CFAP299: variants seen among roughly 807,000 people sequenced by gnomAD.
The protein encoded by CFAP299 is cilia- and flagella-associated protein 299.
A neutral mutation model predicts 27.0 loss-of-function variants in CFAP299; 21 were observed. That is an observed-to-expected ratio of 0.78 (90% confidence interval 0.55 to 1.12). The LOEUF (loss-of-function observed/expected upper bound fraction) is 1.12. CFAP299 is among the 50% of genes most tolerant of loss of function. The probability of loss-of-function intolerance (pLI) is 0.00; values close to 1 mark genes in which losing one functional copy is unlikely to be tolerated. For missense variants in CFAP299, 310 were observed against 276.6 expected, an observed-to-expected ratio of 1.12 and a Z score of -0.86; for synonymous variants, 104 against 98.1, an observed-to-expected ratio of 1.06 and a Z score of -0.36.
intron 4 of CFAP299, among the ~76,000 whole-genome samples, chr4:80,898,889 T>TAA (rs1366220640): frequency 6.6e-6 from 1 of 152,084 alleles, no homozygotes; most frequent in African/African-American, 2.4e-5. Flanking sequence ...TTAGACAAAA[T>TAA]AATCAAGAAC....
intron 3 of CFAP299, among the ~76,000 whole-genome samples, chr4:80,732,649 G>T (rs1479039627): frequency 6.6e-6 from 1 of 151,926 alleles, no homozygotes; most frequent in East Asian, 1.9e-4. Context: ...TTCTAGGAAA[G>T]TCTTGCTTGA....
chr4:80,820,948 A>G (rs1729672054), intron 3 of CFAP299, among the ~76,000 whole-genome samples: 1 of 152,212 alleles, frequency 6.6e-6, no homozygotes, highest in African/African-American at 2.4e-5. Context: ...AGCACCAGTT[A>G]AAGGATTCCC....
intron 2 of CFAP299, among the ~76,000 whole-genome samples, chr4:80,510,845 C>G (rs897397401): frequency 1.3e-5 from 2 of 152,200 alleles, no homozygotes; most frequent in African/African-American, 4.8e-5. Flanking sequence ...ATCCAAAACT[C>G]TGAATGACCT....
At chr4:80,862,936 T>C (rs1193588458) in intron 3 of CFAP299, among the ~76,000 whole-genome samples, 1 of 152,222 alleles carries the variant, frequency 6.6e-6, no homozygotes, top group Admixed American at 6.5e-5. Context: ...TAGAAAACAA[T>C]AGTTGATTCG....
At chr4:80,606,675 C>G (rs1265136660) in intron 3 of CFAP299, among the ~76,000 whole-genome samples, 1 of 152,156 alleles carries the variant, frequency 6.6e-6, no homozygotes, top group Non-Finnish European at 1.5e-5. Flanking sequence ...ACGTGCTCTT[C>G]CATGGCTTGC....
At position 80,531,446 on chromosome 4, in the gene CFAP299, T is replaced by C. The variant is rs185361850; in HGVS notation, c.243-51647T>C. Among the ~76,000 whole-genome samples the C allele has an allele frequency of 2.1e-3, 319 of 152,294 alleles. 2 individuals are homozygous for C. Among genetic ancestry groups the C allele is most frequent in the Non-Finnish European group, 1.8e-3 (125 of 68,024 alleles). On this transcript the variant is annotated intron_variant, in intron 2 of 5. Transcript: ENST00000358105. Reference sequence around the variant, plus strand: ...TTTAGCTTGTGGTTCAAAAATGTGTTTTTCAATTTCACTCCAGGGAACTAG... The same window carrying C: ...TTTAGCTTGTGGTTCAAAAATGTGTCTTTCAATTTCACTCCAGGGAACTAG...
At chr4:80,519,137 AG>A (rs1399512616) in intron 2 of CFAP299, among the ~76,000 whole-genome samples, 5 of 151,984 alleles carry the variant, frequency 3.3e-5, no homozygotes, top group African/African-American at 1.2e-4. Flanking sequence ...GTACATAGAA[AG>A]CACTCTGTTA....
chr4:80,494,679 T>A (rs1449534154), intron 2 of CFAP299, among the ~76,000 whole-genome samples: 6 of 152,204 alleles, frequency 3.9e-5, no homozygotes. Context: ...GTTCTATAGG[T>A]ATGGCTCCTC....
intron 2 of CFAP299, among the ~76,000 whole-genome samples, chr4:80,484,769 C>T (rs1414853518): frequency 6.6e-6 from 1 of 152,070 alleles, no homozygotes; most frequent in African/African-American, 2.4e-5. Flanking sequence ...GAACTTAGTA[C>T]AGATGTCGGC....
At position 80,879,667 on chromosome 4, in the gene CFAP299, G is replaced by A. The variant is rs147415698; in HGVS notation, c.476+9532G>A. ...TTTTTACATATTATTTTTAAAGAGTGTGAGTGAAGCAGATAAGCCCTCAAG... is the reference window on the plus strand; with the variant it reads ...TTTTTACATATTATTTTTAAAGAGTATGAGTGAAGCAGATAAGCCCTCAAG... On this transcript the variant is annotated intron_variant, in intron 4 of 5. Coordinates refer to ENST00000358105, the MANE Select transcript of CFAP299 (RefSeq NM_152770.3). Among the ~76,000 whole-genome samples, 577 of 152,226 alleles carry A rather than the reference G, an allele frequency of 3.8e-3. 1 individual carries two copies. The highest frequency in any genetic ancestry group is 0.017 in the Middle Eastern group (5 of 294).
At chr4:80,719,373 A>G (rs1722687028) in intron 3 of CFAP299, among the ~76,000 whole-genome samples, 1 of 152,166 alleles carries the variant, frequency 6.6e-6, no homozygotes, top group African/African-American at 2.4e-5. Flanking sequence ...GCATTATTCT[A>G]TGTTGACATT....
At chr4:80,623,869 G>A (rs1317183649) in intron 3 of CFAP299, among the ~76,000 whole-genome samples, 1 of 152,140 alleles carries the variant, frequency 6.6e-6, no homozygotes, top group Non-Finnish European at 1.5e-5. Context: ...TCAGGCTTGT[G>A]TGGAAGACTT....
At chr4:80,569,764 CTTA>C (rs1735493281) in intron 2 of CFAP299, among the ~76,000 whole-genome samples, 1 of 151,832 alleles carries the variant, frequency 6.6e-6, no homozygotes, top group South Asian at 2.1e-4. Context: ...ATGTACAAGA[CTTA>C]TTAAGAACAA....
At chr4:80,940,844 A>C (rs976541257) in intron 4 of CFAP299, among the ~76,000 whole-genome samples, 2 of 152,156 alleles carry the variant, frequency 1.3e-5, no homozygotes, top group African/African-American at 4.8e-5. Context: ...TTGAAGGCCT[A>C]ATTCAATTAT....
At chr4:80,790,729 ATGGTGCTC>A (rs1200424303) in intron 3 of CFAP299, among the ~76,000 whole-genome samples, 2 of 152,064 alleles carry the variant, frequency 1.3e-5, no homozygotes, top group Non-Finnish European at 2.9e-5. Context: ...CATCCAATCT[ATGGTGCTC>A]TATTATAGCA....
intron 5 of CFAP299, among the ~76,000 whole-genome samples, chr4:80,962,192 T>C (rs1042867794): frequency 6.6e-6 from 1 of 151,960 alleles, no homozygotes; most frequent in African/African-American, 2.4e-5. Context: ...AGATAATTTT[T>C]AAAGGGGTGT....
chr4:80,855,253 T>C (rs1731779851), intron 3 of CFAP299, among the ~76,000 whole-genome samples: 1 of 152,136 alleles, frequency 6.6e-6, no homozygotes, highest in Non-Finnish European at 1.5e-5. Flanking sequence ...GTTTCTGAAG[T>C]TAGTATTTTT....
Position 80,742,069 on chromosome 4 carries a change from A to G in CFAP299, c.334-127924A>G, listed in dbSNP as rs151077382. Among the ~76,000 whole-genome samples, 362 of 152,166 alleles carry G rather than the reference A, an allele frequency of 2.4e-3. 3 individuals are homozygous for G. The highest frequency in any genetic ancestry group is 8.1e-3 in the African/African-American group (336 of 41,544). ...GCCCTGCATGACTACTGTGGGAGAG[A>G]TGGGGGAAGGGTCACTTCAAGGATT... On this transcript the variant is annotated intron_variant, in intron 3 of 5. Transcript: ENST00000358105.
At chr4:80,937,246 CTA>C (rs999928129) in intron 4 of CFAP299, among the ~76,000 whole-genome samples, 2 of 143,482 alleles carry the variant, frequency 1.4e-5, no homozygotes, top group Non-Finnish European at 3.0e-5. Flanking sequence ...CTAAGAATAA[CTA>C]TTTTTTTCTT....
Sources: allele counts gnomAD v4.1 joint callset (sites outside exome capture counted in the v4.1 genomes callset), GRCh38; gene constraint gnomAD v4.1.1; transcripts MANE v1.5; gene names NCBI Gene and HGNC (gene_info 2026-07-23, HGNC 2026-07-21).